Variants in CNBD1 observed in about 807,000 individuals in gnomAD.
CNBD1 encodes the protein cyclic nucleotide-binding domain-containing protein 1.
A neutral mutation model predicts 54.4 loss-of-function variants in CNBD1; 71 were observed. The ratio of observed to expected loss-of-function variants is 1.30; its 90% CI spans 1.08 to 1.59. CNBD1 has a LOEUF of 1.59. CNBD1 is among the 40% of genes most tolerant of loss of function. CNBD1 has a pLI of 0.00. For synonymous variants in CNBD1, 182 were observed against 170.7 expected (o/e 1.07, Z -0.51); for missense variants, 659 against 518.0 (o/e 1.27, Z -2.64).
At chr8:87,095,576 C>T (rs1811300514) in intron 4 of CNBD1, among the ~76,000 whole-genome samples, 1 of 152,246 alleles carries the variant, frequency 6.6e-6, no homozygotes, top group Non-Finnish European at 1.5e-5. Context: ...TGGCAATTGC[C>T]TGTTGCATCT....
chr8:86,949,323 C>T (rs1359365858), intron 4 of CNBD1, among the ~76,000 whole-genome samples: 1 of 152,118 alleles, frequency 6.6e-6, no homozygotes, highest in Non-Finnish European at 1.5e-5. Context: ...TGCATTGAAT[C>T]TGTAGATTGC....
intron 6 of CNBD1, among the ~76,000 whole-genome samples, chr8:87,262,493 G>C (rs529383162): frequency 6.6e-6 from 1 of 152,194 alleles, no homozygotes; most frequent in East Asian, 1.9e-4. Flanking sequence ...TCACCAATGT[G>C]GGCAGCCAAC....
intron 2 of CNBD1, among the ~76,000 whole-genome samples, chr8:87,392,376 A>T (rs1262387627): frequency 6.6e-6 from 1 of 152,070 alleles, no homozygotes; most frequent in African/African-American, 2.4e-5. Flanking sequence ...TAACAGCATT[A>T]TTCATAATAG....
intron 5 of CNBD1, among the ~76,000 whole-genome samples, chr8:87,216,759 C>T (rs1467602686): frequency 2.6e-5 from 4 of 152,094 alleles, no homozygotes; most frequent in Non-Finnish European, 4.4e-5. Context: ...TACCCTTTTC[C>T]ATGAATTACA....
At chr8:86,914,634 A>G in intron 3 of CNBD1, among the ~76,000 whole-genome samples, 1 of 152,166 alleles carries the variant, frequency 6.6e-6, no homozygotes. Flanking sequence ...TGTTAAATTA[A>G]AAGTCAGATA....
chr8:86,991,875 G>A (rs1808757404), intron 4 of CNBD1, among the ~76,000 whole-genome samples: 1 of 152,274 alleles, frequency 6.6e-6, no homozygotes, highest in South Asian at 2.1e-4. Flanking sequence ...TGTAAAGAGT[G>A]TGCTTAGTAT....
chr8:87,225,917 C>A (rs376362377), intron 5 of CNBD1, among the ~76,000 whole-genome samples: 10 of 150,054 alleles, frequency 6.7e-5, no homozygotes, highest in South Asian at 2.1e-4. Flanking sequence ...ACAATTTCAG[C>A]TCCTGTTATT....
At chr8:86,951,381 G>A (rs7833876) in intron 4 of CNBD1, among the ~76,000 whole-genome samples, 79,899 of 150,888 alleles carry the variant, frequency 0.53, 21,560 homozygotes, top group Admixed American at 0.6. Context: ...CTGAGGTTAG[G>A]AGCTTAAGAC....
intron 4 of CNBD1, among the ~76,000 whole-genome samples, chr8:86,978,033 C>T (rs1808381619): frequency 6.6e-6 from 1 of 152,060 alleles, no homozygotes. Context: ...AGATAATTTA[C>T]TATGTCCTCT....
At chr8:87,138,661 G>A (rs1045958381) in intron 4 of CNBD1, among the ~76,000 whole-genome samples, 2 of 152,102 alleles carry the variant, frequency 1.3e-5, no homozygotes, top group Non-Finnish European at 2.9e-5. Context: ...CTGACTCCTT[G>A]GTTTTGGCCA....
At chr8:87,185,794 C>G (rs1397756720) in intron 4 of CNBD1, among the ~76,000 whole-genome samples, 2 of 151,944 alleles carry the variant, frequency 1.3e-5, no homozygotes, top group South Asian at 2.1e-4. Context: ...CTGGTGCTCT[C>G]TCTCCCTCTC....
chr8:87,053,243 C>T (rs905097372), intron 4 of CNBD1, among the ~76,000 whole-genome samples: 1 of 152,208 alleles, frequency 6.6e-6, no homozygotes, highest in African/African-American at 2.4e-5. Context: ...GCCCTCCTGT[C>T]TGCAGACAAA....
At chr8:87,289,769 G>A (rs552411203) in intron 8 of CNBD1, among the ~76,000 whole-genome samples, 3 of 152,028 alleles carry the variant, frequency 2.0e-5, no homozygotes, top group Admixed American at 6.6e-5. Flanking sequence ...AAATACATAG[G>A]CTCTACATCC....
At chr8:87,294,721 T>G (rs570092466) in intron 8 of CNBD1, among the ~76,000 whole-genome samples, 1 of 152,206 alleles carries the variant, frequency 6.6e-6, no homozygotes, top group African/African-American at 2.4e-5. Context: ...TCATTAAAAC[T>G]CAAGCACTTT....
At chr8:87,030,841 CT>C (rs1277287798) in intron 4 of CNBD1, among the ~76,000 whole-genome samples, 1,216 of 119,306 alleles carry the variant, frequency 0.01, 19 homozygotes, top group African/African-American at 0.043. Context: ...CTTCTCCCCC[CT>C]CCCCTCTCCT....
chr8:86,937,463 C>T (rs1809570017), intron 3 of CNBD1, among the ~76,000 whole-genome samples: 2 of 152,204 alleles, frequency 1.3e-5, no homozygotes, highest in African/African-American at 4.8e-5. Context: ...TAACTCATTT[C>T]AGCATTAACT....
At chr8:87,381,553 C>T (rs1406188218) in intron 10 of CNBD1, among the ~76,000 whole-genome samples, 2 of 151,918 alleles carry the variant, frequency 1.3e-5, no homozygotes, top group East Asian at 3.9e-4. Flanking sequence ...AAATTGGGAT[C>T]TCAAAGAGAT....
chr8:87,338,290 G>A (rs377119578), intron 8 of CNBD1, among the ~76,000 whole-genome samples: 1 of 152,028 alleles, frequency 6.6e-6, no homozygotes, highest in Non-Finnish European at 1.5e-5. Context: ...TCATTATATA[G>A]ATATGAGTTT....
rs1433949619 is a variant in CNBD1 at position 87,135,654 on chromosome 8, A to G, written c.432-70339A>G. Among the ~76,000 whole-genome samples, 7 of 148,306 alleles carry G rather than the reference A, an allele frequency of 4.7e-5. No individual in the cohort carries two copies. In the Admixed American group the frequency reaches 4.8e-4, roughly 10 times the overall value. ...ATATATTACATATTATATATCCTAT[A>G]TATAATATAATGCATATAATATATA... is the stretch of plus-strand genomic sequence containing the variant. On this transcript the variant is annotated intron_variant, in intron 4 of 10. Transcript: ENST00000518476.
Sources: allele counts gnomAD v4.1 joint callset (sites outside exome capture counted in the v4.1 genomes callset), GRCh38; gene constraint gnomAD v4.1.1; transcripts MANE v1.5; gene names NCBI Gene and HGNC (gene_info 2026-07-23, HGNC 2026-07-21).